Variants in TMEM135 observed in about 807,000 individuals in gnomAD.
The protein encoded by TMEM135 is transmembrane protein 135.
TMEM135 carries 30 observed loss-of-function variants against 60.3 expected under a neutral mutation model. The ratio of observed to expected loss-of-function variants is 0.50; its 90% CI spans 0.37 to 0.68. TMEM135 has a LOEUF of 0.68. Ranked by LOEUF, TMEM135 falls within the 30% of genes least tolerant of loss-of-function variation. TMEM135 has a pLI of 0.00. For synonymous variants in TMEM135, 190 were observed against 186.7 expected, an observed-to-expected ratio of 1.02 and a Z score of -0.14; for missense variants, 468 against 548.8, an observed-to-expected ratio of 0.85 and a Z score of 1.47.
chr11:87,211,376 C>T (rs1020436497), intron 5 of TMEM135, among the ~76,000 whole-genome samples: 1 of 152,038 alleles, frequency 6.6e-6, no homozygotes, highest in Non-Finnish European at 1.5e-5. Context: ...CTTGTATATC[C>T]TTGGTCTTAT....
At position 87,327,096 on chromosome 11, in the gene TMEM135, C is replaced by T; in HGVS notation, c.*5763C>T. ...TGAATCATAATTGTTCTAGGCCTTT[C>T]ATGTCTTTCCTTTCTTCTTGTCCAG... On this transcript the variant is annotated 3_prime_UTR_variant, in exon 15 of 15. Transcript: ENST00000305494. The T allele has an allele frequency of 2.2e-6, 1 of 453,968 alleles. No homozygotes were observed. The highest frequency in any genetic ancestry group is 4.4e-6 in the Non-Finnish European group (1 of 226,746). The allele number at this position is 453,968 out of a possible 1,614,324, so 28.1% of individuals were successfully genotyped here.
At chr11:87,319,970 G>A (rs573280435) in intron 14 of TMEM135, among the ~76,000 whole-genome samples, 144 of 152,024 alleles carry the variant, frequency 9.5e-4, no homozygotes, top group Non-Finnish European at 1.5e-3. Context: ...AGTTTTTTTC[G>A]GTCTACAATG....
intron 10 of TMEM135, among the ~76,000 whole-genome samples, chr11:87,313,125 G>A (rs1942669488): frequency 6.6e-6 from 1 of 151,802 alleles, no homozygotes; most frequent in Admixed American, 6.6e-5. Context: ...TGTTAAAATG[G>A]GAGTGATGCT....
At chr11:87,114,329 CA>C (rs1030425096) in intron 4 of TMEM135, among the ~76,000 whole-genome samples, 12 of 151,630 alleles carry the variant, frequency 7.9e-5, no homozygotes, top group Non-Finnish European at 1.6e-4. Flanking sequence ...TCAGAGGTTT[CA>C]AAAAAAATGT....
chr11:87,225,844 T>A (rs11235022), intron 5 of TMEM135, among the ~76,000 whole-genome samples: 9,898 of 152,220 alleles, frequency 0.065, 350 homozygotes, highest in African/African-American at 0.087. Context: ...TTGAGTCCAA[T>A]TGCCTTATCT....
chr11:87,122,546 CA>C (rs1289201239), intron 4 of TMEM135, among the ~76,000 whole-genome samples: 1 of 151,572 alleles, frequency 6.6e-6, no homozygotes, highest in Non-Finnish European at 1.5e-5. Flanking sequence ...CTGCAACCAC[CA>C]CTTTCCAGGT....
intron 5 of TMEM135, among the ~76,000 whole-genome samples, chr11:87,160,339 A>G (rs1253238831): frequency 1.3e-5 from 2 of 152,214 alleles, no homozygotes; most frequent in East Asian, 3.8e-4. Flanking sequence ...TATAGGTTAT[A>G]GTGTATTATA....
In TMEM135 at chr11:87,327,812, A is replaced by G. The variant is rs1190419901; in HGVS notation, c.*6479A>G. 4.4e-6 allele frequency: 2 copies of G among 454,040 alleles called. No homozygotes were observed. The highest frequency in any genetic ancestry group is 8.8e-6 in the Non-Finnish European group (2 of 226,786). The allele number at this position is 454,040 out of a possible 1,614,324, so 28.1% of individuals were successfully genotyped here. A position where few individuals can be genotyped will look rare whatever the true frequency, so the allele number is the denominator to read the frequency against. On this transcript the variant is annotated 3_prime_UTR_variant, in exon 15 of 15. Coordinates refer to ENST00000305494, the MANE Select transcript of TMEM135 (RefSeq NM_022918.4). ...TTAAGTCCTGGAGTCCCAAGGTTAGAGGATCTGGGGTCCTAATGTCCATGG... is the reference window on the plus strand; with the variant it reads ...TTAAGTCCTGGAGTCCCAAGGTTAGGGGATCTGGGGTCCTAATGTCCATGG...
At chr11:87,301,529 A>G (rs1590857503) in intron 7 of TMEM135, among the ~76,000 whole-genome samples, 1 of 152,290 alleles carries the variant, frequency 6.6e-6, no homozygotes, top group African/African-American at 2.4e-5. Context: ...CCAGGGTTAC[A>G]GCAGGAGCCA....
intron 12 of TMEM135, 54 bp from the exon 13 acceptor site, chr11:87,318,083 T>G: frequency 7.1e-7 from 1 of 1,411,346 alleles, no homozygotes; most frequent in Non-Finnish European, 1.0e-6. Context: ...CTCAACTATG[T>G]TTTTAATGCT....
intron 3 of TMEM135, among the ~76,000 whole-genome samples, chr11:87,080,257 G>A (rs1856962461): frequency 7.1e-6 from 1 of 141,558 alleles, no homozygotes; most frequent in African/African-American, 2.7e-5. Context: ...TGGCACTATT[G>A]ACATGTTTTG....
intron 5 of TMEM135, among the ~76,000 whole-genome samples, chr11:87,223,382 G>A (rs11235018): frequency 6.6e-6 from 1 of 151,878 alleles, no homozygotes; most frequent in East Asian, 1.9e-4. Context: ...GTGTTAGCCA[G>A]GATGGTCTCC....
intron 9 of TMEM135, among the ~76,000 whole-genome samples, chr11:87,307,567 G>A (rs1369738122): frequency 1.3e-5 from 2 of 152,078 alleles, no homozygotes; most frequent in South Asian, 2.1e-4. Flanking sequence ...TAAAAAAATT[G>A]TATGAGAAAG....
intron 5 of TMEM135, chr11:87,157,644 C>T: frequency 2.5e-6 from 1 of 407,764 alleles, no homozygotes; most frequent in Non-Finnish European, 4.4e-6. Context: ...TATCTTTACT[C>T]TTAAAAAATG....
intron 5 of TMEM135, among the ~76,000 whole-genome samples, chr11:87,180,101 A>G (rs1026677139): frequency 5.9e-5 from 9 of 152,004 alleles, no homozygotes; most frequent in African/African-American, 1.5e-4. Flanking sequence ...CCCTGTGCGA[A>G]GGAGTCTGTG....
intron 5 of TMEM135, chr11:87,157,740 G>C: frequency 5.0e-6 from 1 of 201,316 alleles, no homozygotes; most frequent in Non-Finnish European, 1.0e-5. Context: ...GTGTTATACA[G>C]AACTGATACT....
rs1428380384 is a variant in TMEM135 at position 87,325,386 on chromosome 11, A to C, written c.*4053A>C. 1 of 454,086 alleles carries C rather than the reference A, an allele frequency of 2.2e-6. No individual in the cohort carries two copies. Among genetic ancestry groups the C allele is most frequent in the East Asian group, 7.0e-5 (1 of 14,386 alleles). 28.1% of individuals were successfully genotyped at this position (454,086 alleles called of 1,614,324 possible). A position where few individuals can be genotyped will look rare whatever the true frequency, so the allele number is the denominator to read the frequency against. On this transcript the variant is annotated 3_prime_UTR_variant, in exon 15 of 15. Transcript: ENST00000305494. Reference sequence around the variant, plus strand: ...TAAGCTTACAGCTGTGGTGAATAAGAATGTGTGCTATTTTACACACAGAAG... The same window carrying C: ...TAAGCTTACAGCTGTGGTGAATAAGCATGTGTGCTATTTTACACACAGAAG...
intron 10 of TMEM135, among the ~76,000 whole-genome samples, chr11:87,310,219 G>C (rs992370849): frequency 1.2e-4 from 18 of 151,980 alleles, no homozygotes; most frequent in Non-Finnish European, 2.5e-4. Flanking sequence ...ACCCCATTCT[G>C]TATGTTCCTA....
At chr11:87,089,994 A>G (rs1031866254) in intron 3 of TMEM135, among the ~76,000 whole-genome samples, 10 of 152,166 alleles carry the variant, frequency 6.6e-5, no homozygotes, top group Non-Finnish European at 8.8e-5. Context: ...TTTGCTGCAT[A>G]GATCATCCTA....
Sources: gnomAD v4.1 joint callset for allele counts (sites outside exome capture counted in the v4.1 genomes callset) on GRCh38, gnomAD v4.1.1 for gene constraint, MANE v1.5 for transcripts, NCBI Gene and HGNC (gene_info 2026-07-23, HGNC 2026-07-21) for gene names.